Variants in DHRSX observed in about 807,000 individuals in gnomAD.
DHRSX encodes the protein polyprenol dehydrogenase.
A neutral mutation model predicts 34.0 loss-of-function variants in DHRSX; 31 were observed. The observed-to-expected ratio is 0.91, with a 90% CI of 0.69 to 1.23. The LOEUF (loss-of-function observed/expected upper bound fraction) is 1.23, where lower values mean the gene tolerates loss of function less well. Ranked by LOEUF, DHRSX falls within the 50% of genes most tolerant of loss-of-function variation. The pLI is 0.00. For synonymous variants in DHRSX, 201 were observed against 183.8 expected (o/e 1.09, Z -0.76); for missense variants, 414 against 428.1 (o/e 0.97, Z 0.29).
intron 3 of DHRSX, among the ~76,000 whole-genome samples, chrX:2,383,328 CCAT>C (rs940528393): frequency 4.1e-4 from 63 of 152,006 alleles, no homozygotes; most frequent in African/African-American, 1.3e-3. Context: ...ATCACCATCA[CCAT>C]CATCATTATC....
At position 2,410,174 on chromosome X, in the gene DHRSX, G is replaced by A. The variant is rs189789804; in HGVS notation, c.218-1361C>T. Among the ~76,000 whole-genome samples, 175 of 152,272 alleles carry A rather than the reference G, an allele frequency of 1.1e-3. 1 individual carries two copies. The highest frequency in any genetic ancestry group is 3.7e-3 in the African/African-American group (152 of 41,550). ...TGAAGGGGCGGCTCTTTAGGGGAAA[G>A]GAGTTTGGCAAATTTTTCCTCCTTC... On this transcript the variant is annotated intron_variant, in intron 2 of 6. Coordinates refer to ENST00000334651, the MANE Select transcript of DHRSX (RefSeq NM_145177.3).
At chrX:2,276,952 G>A (rs868720605) in intron 4 of DHRSX, among the ~76,000 whole-genome samples, 3 of 16,290 alleles carry the variant, frequency 1.8e-4, no homozygotes, top group African/African-American at 7.7e-4. Context: ...ACGAGAGAGG[G>A]AGAGAGAAGG....
chrX:2,282,636 A>AAGGGAGGGAGAG (rs1221410803), intron 4 of DHRSX, among the ~76,000 whole-genome samples: 3 of 46,746 alleles, frequency 6.4e-5, no homozygotes, highest in Non-Finnish European at 1.7e-4. Flanking sequence ...GAAGAAGGGA[A>AAGGGAGGGAGAG]AGGGAGGGAG....
chrX:2,266,099 C>G (rs181542870), intron 5 of DHRSX, among the ~76,000 whole-genome samples: 12 of 148,248 alleles, frequency 8.1e-5, no homozygotes, highest in Non-Finnish European at 6.0e-5. Flanking sequence ...GCAGGGAGCA[C>G]TGTACCCAGA....
At chrX:2,295,478 G>A (rs1312763447) in intron 3 of DHRSX, among the ~76,000 whole-genome samples, 1 of 152,180 alleles carries the variant, frequency 6.6e-6, no homozygotes, top group Non-Finnish European at 1.5e-5. Context: ...TAATGTAGAT[G>A]ACGGGTCGAT....
At chrX:2,368,717 A>C (rs1210126821) in intron 3 of DHRSX, among the ~76,000 whole-genome samples, 1 of 151,662 alleles carries the variant, frequency 6.6e-6, no homozygotes, top group African/African-American at 2.4e-5. Context: ...AGGCATGGTG[A>C]CAGGTGCCTG....
chrX:2,371,298 C>T (rs1423560137), intron 3 of DHRSX, among the ~76,000 whole-genome samples: 2 of 148,950 alleles, frequency 1.3e-5, no homozygotes, highest in Non-Finnish European at 3.0e-5. Context: ...AGTCCCTCCT[C>T]CATTACCATA....
At chrX:2,440,477 C>T (rs1488667320) in intron 1 of DHRSX, among the ~76,000 whole-genome samples, 1 of 151,882 alleles carries the variant, frequency 6.6e-6, no homozygotes, top group African/African-American at 2.4e-5. Flanking sequence ...GCTGGGATTA[C>T]AAGCAGAAGA....
At position 2,250,148 on chromosome X, in the gene DHRSX, T is replaced by G. The variant is rs1474813712; in HGVS notation, c.597-6918A>C. Among the ~76,000 whole-genome samples the G allele has an allele frequency of 3.3e-5, 4 of 121,434 alleles. No individual in the cohort carries two copies. The Admixed American group carries it at 4.2e-4, about 13-fold the overall frequency. The allele number at this position is 121,434 out of a possible 152,430, so 79.7% of individuals were successfully genotyped here. A position where few individuals can be genotyped will look rare whatever the true frequency, so the allele number is the denominator to read the frequency against. On this transcript the variant is annotated intron_variant, in intron 5 of 6. Coordinates refer to ENST00000334651, the MANE Select transcript of DHRSX (RefSeq NM_145177.3). ...CTGCACTCCAGCCTGGGCAACAGAG[T>G]GAGACTCCATCTCAAAAAAAAAAAA... is the stretch of plus-strand genomic sequence containing the variant.
intron 1 of DHRSX, chrX:2,489,318 A>G: frequency 6.2e-7 from 1 of 1,613,654 alleles, no homozygotes; most frequent in Non-Finnish European, 8.5e-7. Context: ...ACGTTGAGAA[A>G]CATGTCGATC....
At chrX:2,251,696 T>C (rs1312170006) in intron 5 of DHRSX, among the ~76,000 whole-genome samples, 1 of 152,148 alleles carries the variant, frequency 6.6e-6, no homozygotes, top group Non-Finnish European at 1.5e-5. Flanking sequence ...GAAATTAATG[T>C]TCAAGTGCTA....
Position 2,318,074 on chromosome X carries a change from G to A in DHRSX, c.287-26471C>T, listed in dbSNP as rs185647928. ...AAGATAGTCCTGAAGGCCAGGTGCA[G>A]TGGCTCATGCCTGTAATACCAGAGC... On this transcript the variant is annotated intron_variant, in intron 3 of 6. Coordinates refer to ENST00000334651, the MANE Select transcript of DHRSX (RefSeq NM_145177.3). 4.4e-4 allele frequency among the ~76,000 whole-genome samples: 67 copies of A among 152,100 alleles called. No individual in the cohort carries two copies. The East Asian group carries it at 0.013, about 29-fold the overall frequency.
chrX:2,414,706 A>G (rs1006452959), intron 2 of DHRSX, among the ~76,000 whole-genome samples: 2 of 151,896 alleles, frequency 1.3e-5, no homozygotes, highest in African/African-American at 4.8e-5. Context: ...CAACACAACT[A>G]GACTGCATCA....
chrX:2,444,010 G>GAAAAAAAA (rs569503260), intron 1 of DHRSX, among the ~76,000 whole-genome samples: 3 of 102,272 alleles, frequency 2.9e-5, no homozygotes, highest in Admixed American at 1.0e-4. Context: ...GTCTCAAAAA[G>GAAAAAAAA]AAAAAAAAAA....
intron 2 of DHRSX, among the ~76,000 whole-genome samples, chrX:2,417,796 A>G (rs1446440175): frequency 6.6e-6 from 1 of 152,140 alleles, no homozygotes; most frequent in East Asian, 1.9e-4. Context: ...TAACTCAACC[A>G]GTCATCCTAA....
chrX:2,392,450 G>A (rs768108128), intron 3 of DHRSX: 22 of 311,068 alleles, frequency 7.1e-5, no homozygotes, highest in South Asian at 1.4e-4. Flanking sequence ...AAGCCAGCCC[G>A]GGCAACACAG....
chrX:2,395,357 G>A (rs868036358), intron 3 of DHRSX, among the ~76,000 whole-genome samples: 44 of 152,188 alleles, frequency 2.9e-4, no homozygotes, highest in Non-Finnish European at 1.9e-4. Context: ...TGGAGGGGCC[G>A]AGCTACGTAA....
At chrX:2,339,787 GGTTCCAA>G (rs2042618093) in intron 3 of DHRSX, among the ~76,000 whole-genome samples, 1 of 152,024 alleles carries the variant, frequency 6.6e-6, no homozygotes, top group East Asian at 1.9e-4. Context: ...CATTTGGGTT[GGTTCCAA>G]GTCTTTGCTA....
At chrX:2,447,769 A>G (rs5982906) in intron 1 of DHRSX, among the ~76,000 whole-genome samples, 57,138 of 113,328 alleles carry the variant, frequency 0.5, 19,603 homozygotes, top group African/African-American at 0.81. Context: ...GAAGTGAAAT[A>G]AACCAGGCAC....
Sources: allele counts gnomAD v4.1 joint callset (sites outside exome capture counted in the v4.1 genomes callset), GRCh38; gene constraint gnomAD v4.1.1; transcripts MANE v1.5; gene names NCBI Gene and HGNC (gene_info 2026-07-23, HGNC 2026-07-21).